The following DBT variants were observed in gnomAD, a reference collection of about 807,000 sequenced individuals.
DBT encodes the protein dihydrolipoamide branched chain transacylase E2.
Under a neutral mutation model 51.3 loss-of-function variants are expected in DBT, and 40 were observed. The observed-to-expected ratio is 0.78, with a 90% CI of 0.61 to 1.02. The LOEUF (loss-of-function observed/expected upper bound fraction) is 1.02. Among genes scored for constraint, DBT ranks in the 50% least tolerant of loss-of-function variants. The pLI, the probability that DBT is intolerant of heterozygous loss-of-function variation, is 0.00. For synonymous variants in DBT, 181 were observed against 190.4 expected, an observed-to-expected ratio of 0.95 and a Z score of 0.41; for missense variants, 510 against 580.2, an observed-to-expected ratio of 0.88 and a Z score of 1.24.
intron 10 of DBT, chr1:100,196,828 T>G: frequency 9.8e-6 from 2 of 204,158 alleles, no homozygotes; most frequent in African/African-American, 2.4e-5. Flanking sequence ...CATTATCAAG[T>G]TCCCCTGACC....
chr1:100,218,602 G>A, intron 5 of DBT, 24 bp downstream of exon 5: 2 of 1,613,196 alleles, frequency 1.2e-6, no homozygotes, highest in Non-Finnish European at 1.7e-6. Context: ...TACAATCTCA[G>A]ACTTAAATAT....
At position 100,195,017 on chromosome 1, in the gene DBT, C is replaced by A. The variant is rs1204759096; in HGVS notation, c.*1238G>T. On this transcript the variant is annotated 3_prime_UTR_variant, in exon 11 of 11. Transcript: ENST00000370132. Reference sequence around the variant, plus strand: ...CTTTAACAAAATGATCATTATGAAACCTTCATTTCTATACAAAATTTCTTA... The same window carrying A: ...CTTTAACAAAATGATCATTATGAAAACTTCATTTCTATACAAAATTTCTTA... 2 of 152,114 alleles carry A rather than the reference C, an allele frequency of 1.3e-5. No homozygotes were observed. The highest frequency in any genetic ancestry group is 2.9e-5 in the Non-Finnish European group (2 of 68,008). The allele number at this position is 152,114 out of a possible 1,614,324, so 9.4% of individuals were successfully genotyped here.
chr1:100,201,892 G>C (rs566160437), intron 10 of DBT, among the ~76,000 whole-genome samples: 2 of 152,112 alleles, frequency 1.3e-5, no homozygotes, highest in African/African-American at 4.8e-5. Flanking sequence ...CCCTACAAGA[G>C]CTCCTGAAGG....
intron 4 of DBT, among the ~76,000 whole-genome samples, chr1:100,226,935 G>C (rs941593460): frequency 1.3e-5 from 2 of 152,182 alleles, no homozygotes; most frequent in Non-Finnish European, 2.9e-5. Flanking sequence ...TTAATGATGG[G>C]AGTATGTTCT....
At chr1:100,206,208 T>G in intron 10 of DBT, 22 bp downstream of exon 10, 2 of 1,570,278 alleles carry the variant, frequency 1.3e-6, no homozygotes, top group Non-Finnish European at 1.8e-6. Context: ...AACTCCATTT[T>G]TCAGTTATCT....
chr1:100,222,247 G>A (rs187618978), intron 4 of DBT, among the ~76,000 whole-genome samples: 1 of 152,172 alleles, frequency 6.6e-6, no homozygotes, highest in East Asian at 1.9e-4. Context: ...CTACATTATT[G>A]GAATGGTTTT....
At chr1:100,208,948 A>G (rs1332988188) in intron 8 of DBT, among the ~76,000 whole-genome samples, 4 of 151,382 alleles carry the variant, frequency 2.6e-5, no homozygotes, top group African/African-American at 9.7e-5. Context: ...AAGCAAGTTA[A>G]AGAAAATATA....
At chr1:100,226,554 G>A (rs548051154) in intron 4 of DBT, among the ~76,000 whole-genome samples, 2 of 152,122 alleles carry the variant, frequency 1.3e-5, no homozygotes, top group South Asian at 4.2e-4. Context: ...CAAAATGTTA[G>A]GATTACTGGC....
intron 1 of DBT, among the ~76,000 whole-genome samples, chr1:100,245,683 T>G (rs1022203664): frequency 5.9e-5 from 9 of 152,230 alleles, no homozygotes; most frequent in Non-Finnish European, 1.3e-4. Flanking sequence ...CCAGGTGCAG[T>G]GACTCATGCC....
chr1:100,211,038 A>C (rs546784864), intron 7 of DBT: 5 of 772,242 alleles, frequency 6.5e-6, no homozygotes, highest in Non-Finnish European at 1.2e-5. Flanking sequence ...AATGATACAG[A>C]CCAGCCAAAG....
intron 7 of DBT, among the ~76,000 whole-genome samples, chr1:100,213,949 CAAAAAA>C (rs758614475): frequency 4.2e-5 from 5 of 118,434 alleles, no homozygotes; most frequent in Non-Finnish European, 5.4e-5. Flanking sequence ...AGATTCATAC[CAAAAAA>C]AAAAAAAAAA....
chr1:100,201,011 G>A (rs958390347), intron 10 of DBT, among the ~76,000 whole-genome samples: 1 of 152,074 alleles, frequency 6.6e-6, no homozygotes, highest in East Asian at 1.9e-4. Flanking sequence ...TCCTCCAAAG[G>A]ATCACAACTC....
chr1:100,210,925 C>T, intron 7 of DBT, 154 bp from the exon 8 acceptor site: 1 of 1,497,076 alleles, frequency 6.7e-7, no homozygotes, highest in Non-Finnish European at 9.0e-7. Flanking sequence ...ACATTACTGC[C>T]AATGTTACCT....
At position 100,217,865 on chromosome 1, in the gene DBT, A is replaced by G. The variant is rs150117141; in HGVS notation, c.555+761T>C. On this transcript the variant is annotated intron_variant, in intron 5 of 10. Transcript: ENST00000370132. ...CAATGATTGTTGAGGTTTATATAAC[A>G]TCTAACAGCACAGGTTTTGGAGTGA... Among the ~76,000 whole-genome samples, 746 of 152,382 alleles carry G rather than the reference A, an allele frequency of 4.9e-3. 11 individuals are homozygous for G. Among genetic ancestry groups the G allele is most frequent in the African/African-American group, 0.017 (719 of 41,598 alleles).
Position 100,192,907 on chromosome 1 carries a change from G to A in DBT, c.*3348C>T, listed in dbSNP as rs1399824208. The A allele has an allele frequency of 1.3e-5, 2 of 152,206 alleles. No homozygotes were observed. The highest frequency in any genetic ancestry group is 6.5e-5 in the Admixed American group (1 of 15,276). The allele number at this position is 152,206 out of a possible 1,614,324, so 9.4% of individuals were successfully genotyped here. A position where few individuals can be genotyped will look rare whatever the true frequency, so the allele number is the denominator to read the frequency against. ...TGTTAGTAAAGGACTTGAATTTTCT[G>A]GCTTTTCCACTTTAATTCCAACCTC... On this transcript the variant is annotated 3_prime_UTR_variant, in exon 11 of 11. Transcript: ENST00000370132.
intron 7 of DBT, among the ~76,000 whole-genome samples, chr1:100,212,722 T>C (rs1211451424): frequency 6.6e-6 from 1 of 152,182 alleles, no homozygotes; most frequent in Non-Finnish European, 1.5e-5. Flanking sequence ...AGAAGGAGTC[T>C]GTACCTGACC....
At chr1:100,218,495 T>C (rs1662628066) in intron 5 of DBT, 131 bp downstream of exon 5, 5 of 1,028,026 alleles carry the variant, frequency 4.9e-6, no homozygotes, top group Non-Finnish European at 7.4e-6. Flanking sequence ...CTATTGCTTT[T>C]CAGTAGCAAA....
rs757477062 is a variant in DBT at position 100,216,021 on chromosome 1, G to C, written c.734C>G (p.Pro245Arg). ...MTVPILVSKPPVFTGKDKTEP... is the reference protein window; with the variant it reads ...MTVPILVSKPRVFTGKDKTEP... Reference sequence around the variant, plus strand: ...TGTTTTGTCTTTGCCTGTGAATACCGGAGGTTTTGATACTAGTATAGGAAC... The same window carrying C: ...TGTTTTGTCTTTGCCTGTGAATACCCGAGGTTTTGATACTAGTATAGGAAC... The change falls in exon 6 of 11, where the codon CCG becomes CGG. Residue 245 changes from proline to arginine, a missense_variant. Transcript: ENST00000370132. The C allele has an allele frequency of 6.2e-7, 1 of 1,611,232 alleles. No homozygotes were observed. The highest frequency in any genetic ancestry group is 8.5e-7 in the Non-Finnish European group (1 of 1,177,752).
Position 100,196,361 on chromosome 1 carries a change from C to T in DBT, c.1343G>A (p.Trp448Ter), listed in dbSNP as rs749366506. 3 of 1,603,072 alleles carry T rather than the reference C, an allele frequency of 1.9e-6. No individual in the cohort carries two copies. The highest frequency in any genetic ancestry group is 1.7e-6 in the Non-Finnish European group (2 of 1,177,174). Residue 448 changes from tryptophan (W) to a stop codon, truncating the protein, a stop_gained, in exon 11 of 11, where the codon TGG (tryptophan) becomes TAG (stop). Transcript: ENST00000370132. LOFTEE classifies it high-confidence loss of function. ...VYKAQIMNVS[W>*]SADHRVIDGA... The stretch of plus-strand genomic sequence containing the variant: ...ATCAATAACTCTGTGATCAGCTGAC[C>T]AGCTCACATTCATTATCTGTGCCTT...
Sources: gnomAD v4.1 joint callset for allele counts (sites outside exome capture counted in the v4.1 genomes callset) on GRCh38, gnomAD v4.1.1 for gene constraint, MANE v1.5 for transcripts, NCBI Gene and HGNC (gene_info 2026-07-23, HGNC 2026-07-21) for gene names.